LARGE1: variants seen among roughly 807,000 people sequenced by gnomAD.
LARGE1 encodes the protein xylosyl- and glucuronyltransferase LARGE1.
LARGE1 carries 43 observed loss-of-function variants against 87.6 expected under a neutral mutation model. That is an observed-to-expected ratio of 0.49 (90% CI 0.38 to 0.63). The LOEUF (loss-of-function observed/expected upper bound fraction) is 0.63, where lower values mean the gene tolerates loss of function less well. LARGE1 is among the 30% of genes least tolerant of loss of function. The pLI is 0.00. For missense variants in LARGE1, 802 were observed against 1,000.2 expected, an observed-to-expected ratio of 0.80 and a Z score of 2.67; for synonymous variants, 434 against 394.6, an observed-to-expected ratio of 1.10 and a Z score of -1.18.
intron 6 of LARGE1, among the ~76,000 whole-genome samples, chr22:33,488,535 G>A (rs903867897): frequency 1.3e-5 from 2 of 152,134 alleles, no homozygotes; most frequent in African/African-American, 4.8e-5. Flanking sequence ...GTATTTGGAT[G>A]GTTTTACAGG....
At chr22:33,652,793 G>A (rs1196244555) in intron 2 of LARGE1, among the ~76,000 whole-genome samples, 1 of 152,138 alleles carries the variant, frequency 6.6e-6, no homozygotes, top group Non-Finnish European at 1.5e-5. Flanking sequence ...GCTTTTTGAT[G>A]TATCTTTGGG....
At chr22:33,658,605 A>T (rs867111993) in intron 2 of LARGE1, among the ~76,000 whole-genome samples, 1 of 152,328 alleles carries the variant, frequency 6.6e-6, no homozygotes, top group Middle Eastern at 3.4e-3. Context: ...ATGTTCATGC[A>T]AAGGACATTG....
chr22:33,517,317 G>T (rs544875332), intron 6 of LARGE1, among the ~76,000 whole-genome samples: 1 of 152,188 alleles, frequency 6.6e-6, no homozygotes, highest in Non-Finnish European at 1.5e-5. Context: ...TACTAAAGAC[G>T]CACTCTAACC....
intron 1 of LARGE1, among the ~76,000 whole-genome samples, chr22:33,819,686 T>G (rs1269759529): frequency 6.6e-6 from 1 of 152,188 alleles, no homozygotes; most frequent in Non-Finnish European, 1.5e-5. Flanking sequence ...AACCACCCTT[T>G]CCACTTTCCC....
At chr22:33,843,989 G>A (rs1369838528) in intron 1 of LARGE1, among the ~76,000 whole-genome samples, 1 of 151,128 alleles carries the variant, frequency 6.6e-6, no homozygotes, top group Non-Finnish European at 1.5e-5. Context: ...TGAGGCAGGA[G>A]AATCGCTTGA....
chr22:33,290,764 C>T (rs753603914), intron 12 of LARGE1, among the ~76,000 whole-genome samples: 21 of 152,114 alleles, frequency 1.4e-4, no homozygotes, highest in South Asian at 2.1e-4. Flanking sequence ...CCCAGCTAGG[C>T]GCGGTGGCTC....
chr22:33,793,363 G>A (rs529189817), intron 1 of LARGE1, among the ~76,000 whole-genome samples: 2 of 152,150 alleles, frequency 1.3e-5, no homozygotes, highest in Admixed American at 6.5e-5. Flanking sequence ...ATCAGTCTCC[G>A]CTCCCACCTG....
chr22:33,523,438 C>T (rs2071717539), intron 6 of LARGE1, among the ~76,000 whole-genome samples: 1 of 152,106 alleles, frequency 6.6e-6, no homozygotes, highest in Non-Finnish European at 1.5e-5. Flanking sequence ...TACTCTGTAC[C>T]CATGGTTACT....
intron 11 of LARGE1, among the ~76,000 whole-genome samples, chr22:33,261,755 T>C (rs1489790610): frequency 6.6e-6 from 1 of 152,238 alleles, no homozygotes; most frequent in Non-Finnish European, 1.5e-5. Flanking sequence ...GCTCTGCTAA[T>C]GAGTTTAGAA....
intron 1 of LARGE1, among the ~76,000 whole-genome samples, chr22:33,914,399 C>T (rs147643616): frequency 5.9e-5 from 9 of 152,266 alleles, no homozygotes; most frequent in African/African-American, 1.9e-4. Flanking sequence ...TTGCAAAATC[C>T]GGAGAGGTCA....
intron 2 of LARGE1, among the ~76,000 whole-genome samples, chr22:33,655,178 A>C (rs566932218): frequency 1.1e-4 from 16 of 152,012 alleles, no homozygotes; most frequent in Non-Finnish European, 1.6e-4. Flanking sequence ...TTTTTTTTTA[A>C]AGGTGTTTTT....
At position 33,273,025 on chromosome 22, in the gene LARGE1, T is replaced by C. The variant is rs1021230935; in HGVS notation, c.*1402A>G. The C allele has an allele frequency of 5.7e-5, 10 of 174,946 alleles. No homozygotes were observed. Among genetic ancestry groups the C allele is most frequent in the Admixed American group, 4.4e-4 (7 of 15,894 alleles). 10.8% of individuals were successfully genotyped at this position (174,946 alleles called of 1,614,324 possible). ...TGCTGTTTATCCACTGCAATTTAGCTCTCTATGTCAAGGTGTGTCTCAGTA... is the reference window on the plus strand; with the variant it reads ...TGCTGTTTATCCACTGCAATTTAGCCCTCTATGTCAAGGTGTGTCTCAGTA... On this transcript the variant is annotated 3_prime_UTR_variant, in exon 15 of 15. Coordinates refer to ENST00000397394, the MANE Select transcript of LARGE1 (RefSeq NM_133642.5).
chr22:33,457,293 C>CTTTTTTTTTTTTTTTTTT (rs759460321), intron 6 of LARGE1, among the ~76,000 whole-genome samples: 8 of 74,930 alleles, frequency 1.1e-4, no homozygotes, highest in Admixed American at 1.8e-4. Context: ...ACGCCTGGCT[C>CTTTTTTTTTTTTTTTTTT]TTTTTTTTTT....
chr22:33,185,443 C>T (rs1923423694), intron 11 of LARGE1, among the ~76,000 whole-genome samples: 1 of 152,006 alleles, frequency 6.6e-6, no homozygotes, highest in South Asian at 2.1e-4. Flanking sequence ...ATTTTTAGGG[C>T]AGTTAAACTA....
chr22:33,401,128 C>T (rs1354418494), intron 7 of LARGE1, among the ~76,000 whole-genome samples: 1 of 152,156 alleles, frequency 6.6e-6, no homozygotes, highest in Non-Finnish European at 1.5e-5. Context: ...CCACTTCAGT[C>T]TCTGCTTGGC....
At position 33,356,685 on chromosome 22, in the gene LARGE1, G is replaced by T. The variant is rs112954757; in HGVS notation, c.1132-18884C>A. On this transcript the variant is annotated intron_variant, in intron 9 of 14. Coordinates refer to ENST00000397394, the MANE Select transcript of LARGE1 (RefSeq NM_133642.5). ...CTTGGGAGGCTGAGGCAGGAGAATTGCTTGAACCCAGGAGGCAGAGGTTGC... is the reference window on the plus strand; with the variant it reads ...CTTGGGAGGCTGAGGCAGGAGAATTTCTTGAACCCAGGAGGCAGAGGTTGC... Among the ~76,000 whole-genome samples, 862 of 152,252 alleles carry T rather than the reference G, an allele frequency of 5.7e-3. 9 individuals carry two copies. Among genetic ancestry groups the T allele is most frequent in the African/African-American group, 0.02 (828 of 41,524 alleles).
intron 9 of LARGE1, among the ~76,000 whole-genome samples, chr22:33,347,172 C>A (rs1034516089): frequency 6.6e-6 from 1 of 152,204 alleles, no homozygotes; most frequent in African/African-American, 2.4e-5. Context: ...TAACATAACA[C>A]CCTAGGCAAT....
chr22:33,686,151 A>T (rs890857128), intron 2 of LARGE1, among the ~76,000 whole-genome samples: 5 of 152,102 alleles, frequency 3.3e-5, no homozygotes, highest in Admixed American at 1.3e-4. Context: ...ACCCATCTAG[A>T]GATATGTGGG....
intron 6 of LARGE1, among the ~76,000 whole-genome samples, chr22:33,434,695 C>T (rs527929457): frequency 1.7e-4 from 26 of 152,090 alleles, no homozygotes; most frequent in Non-Finnish European, 3.8e-4. Context: ...TGGTGGCATC[C>T]CATACATTTT....
Sources: gnomAD v4.1 joint callset for allele counts (sites outside exome capture counted in the v4.1 genomes callset) on GRCh38, gnomAD v4.1.1 for gene constraint, MANE v1.5 for transcripts, NCBI Gene and HGNC (gene_info 2026-07-23, HGNC 2026-07-21) for gene names.